Variants in ARHGAP21 observed in about 807,000 individuals in gnomAD.
The protein encoded by ARHGAP21 is Rho GTPase activating protein 21.
Under a neutral mutation model 164.6 loss-of-function variants are expected in ARHGAP21, and 38 were observed. The observed-to-expected ratio is 0.23, with a 90% CI of 0.18 to 0.30. The LOEUF (loss-of-function observed/expected upper bound fraction) is 0.30, where lower values mean the gene tolerates loss of function less well. Among genes scored for constraint, ARHGAP21 ranks in the 10% least tolerant of loss-of-function variants. The pLI, the probability that ARHGAP21 is intolerant of heterozygous loss-of-function variation, is 1.00. For synonymous variants in ARHGAP21, 766 were observed against 857.9 expected (o/e 0.89, Z 1.87); for missense variants, 1,822 against 2,370.7 (o/e 0.77, Z 4.81).
At chr10:24,590,937 A>AATT (rs1318100963) in intron 24 of ARHGAP21, 1 of 897,086 alleles carries the variant, frequency 1.1e-6, no homozygotes, top group African/African-American at 1.8e-5. Flanking sequence ...GGAAACTGTG[A>AATT]ATTAAAAAAA....
At chr10:24,640,014 C>T (rs958212745) in intron 4 of ARHGAP21, among the ~76,000 whole-genome samples, 1 of 151,572 alleles carries the variant, frequency 6.6e-6, no homozygotes, top group African/African-American at 2.4e-5. Context: ...ATGAAGATCA[C>T]AGAGAAACAG....
rs527891591 is a variant in ARHGAP21 at position 24,703,103 on chromosome 10, A to G, written c.63+18734T>C. On this transcript the variant is annotated intron_variant, in intron 2 of 25. Transcript: ENST00000396432. ...AATGGAAAAGTGTACATAATATTCC[A>G]ACTTGTAAAACCCACACACAAACTA... is the stretch of plus-strand genomic sequence containing the variant. 2.0e-5 allele frequency among the ~76,000 whole-genome samples: 3 copies of G among 152,338 alleles called. No homozygotes were observed. The East Asian group carries it at 5.8e-4, about 29-fold the overall frequency.
intron 11 of ARHGAP21, chr10:24,605,763 G>C (rs1361086345): frequency 2.6e-5 from 4 of 152,002 alleles, no homozygotes; most frequent in Non-Finnish European, 1.5e-5. Context: ...AAGAATTCAA[G>C]AACTAGAAAA....
In ARHGAP21 at chr10:24,596,792, G is replaced by A. The variant is rs2076602232; in HGVS notation, c.3425C>T (p.Thr1142Ile). ...RKTFEKKPTA[T>I]GTFGVRLDDC... is the part of the protein sequence containing the mutation. ...ATCTAGTCGGACGCCGAAAGTTCCT[G>A]TAGCAGTTGGCTTTTTCTCAAATGT... is the stretch of plus-strand genomic sequence containing the variant. The change falls in exon 17 of 26, where the codon ACA becomes ATA. Residue 1142 changes from threonine to isoleucine, a missense_variant. Physicochemically the swap from Thr to Ile is moderately conservative, Grantham distance 89 (BLOSUM62 -1). This residue lies in a region of ARHGAP21 where 1,090 missense variants were observed against 1,378.9 expected (regional missense o/e 0.79). Coordinates refer to ENST00000396432, the MANE Select transcript of ARHGAP21 (RefSeq NM_020824.4). 1 of 1,612,980 alleles carries A rather than the reference G, an allele frequency of 6.2e-7. No homozygotes were observed. The highest frequency in any genetic ancestry group is 8.5e-7 in the Non-Finnish European group (1 of 1,179,764).
At chr10:24,596,502 G>A (rs373144713) in intron 17 of ARHGAP21, 62 of 565,906 alleles carry the variant, frequency 1.1e-4, no homozygotes, top group East Asian at 8.0e-4. Context: ...ATTTGAAGAC[G>A]AATTCTTACA....
chr10:24,649,785 C>T (rs1837970268), intron 4 of ARHGAP21, among the ~76,000 whole-genome samples: 1 of 150,290 alleles, frequency 6.7e-6, no homozygotes, highest in Non-Finnish European at 1.5e-5. Flanking sequence ...ACAAGAGAAA[C>T]AGATTCAAAA....
intron 2 of ARHGAP21, among the ~76,000 whole-genome samples, chr10:24,716,202 G>A (rs140177947): frequency 6.0e-4 from 92 of 152,282 alleles, no homozygotes; most frequent in African/African-American, 1.7e-3. Context: ...CAACACCTGC[G>A]TTCTAGATAT....
intron 9 of ARHGAP21, among the ~76,000 whole-genome samples, chr10:24,612,337 A>G (rs1020115076): frequency 6.6e-6 from 1 of 152,240 alleles, no homozygotes; most frequent in Non-Finnish European, 1.5e-5. Context: ...GTAAATTTGT[A>G]TAAGTTGAAA....
At chr10:24,689,236 T>G (rs1309198495) in intron 2 of ARHGAP21, among the ~76,000 whole-genome samples, 2 of 152,206 alleles carry the variant, frequency 1.3e-5, no homozygotes, top group Non-Finnish European at 2.9e-5. Context: ...ACAAATTGTT[T>G]TAACAATCTG....
At chr10:24,665,530 T>C (rs1426842915) in intron 4 of ARHGAP21, among the ~76,000 whole-genome samples, 1 of 151,974 alleles carries the variant, frequency 6.6e-6, no homozygotes, top group African/African-American at 2.4e-5. Context: ...ATTTCATTTA[T>C]AAAAAAAATC....
intron 2 of ARHGAP21, among the ~76,000 whole-genome samples, chr10:24,674,049 T>C (rs1840976106): frequency 6.6e-6 from 1 of 152,164 alleles, no homozygotes; most frequent in Non-Finnish European, 1.5e-5. Flanking sequence ...AATGAATTTT[T>C]TTTAAAAAGA....
At chr10:24,596,613 A>G (rs2076592256) in intron 17 of ARHGAP21, 127 bp downstream of exon 17, 1 of 1,303,954 alleles carries the variant, frequency 7.7e-7, no homozygotes, top group Non-Finnish European at 1.1e-6. Flanking sequence ...TAGGGAAACT[A>G]AGGTCTGCTA....
chr10:24,707,922 A>C (rs11014207), intron 2 of ARHGAP21, among the ~76,000 whole-genome samples: 1 of 152,198 alleles, frequency 6.6e-6, no homozygotes, highest in African/African-American at 2.4e-5. Context: ...TTAAACTAAA[A>C]GCTAATCATA....
intron 4 of ARHGAP21, among the ~76,000 whole-genome samples, chr10:24,647,760 G>C (rs536740929): frequency 6.6e-6 from 1 of 152,272 alleles, no homozygotes; most frequent in East Asian, 1.9e-4. Context: ...TCTTTGCTCT[G>C]AAAGTAATAC....
intron 4 of ARHGAP21, chr10:24,640,199 C>T (rs1836851718): frequency 6.6e-6 from 1 of 151,720 alleles, no homozygotes; most frequent in African/African-American, 2.4e-5. Context: ...TGTGCCCAAT[C>T]TTGTCTGATG....
chr10:24,667,112 G>A lies in ARHGAP21; in HGVS notation c.244-103C>T, dbSNP rs145978744. ...ATTCAAATCGACCTCCCCAGATTGT[G>A]CCAATTACAATCTCACTAACAATAT... On this transcript the variant is annotated intron_variant, in intron 3 of 25. Coordinates refer to ENST00000396432, the MANE Select transcript of ARHGAP21 (RefSeq NM_020824.4). 403 of 579,580 alleles carry A rather than the reference G, an allele frequency of 7.0e-4. No individual in the cohort carries two copies. The African/African-American group carries it at 7.0e-3, about 10-fold the overall frequency. The allele number at this position is 579,580 out of a possible 1,614,324, so 35.9% of individuals were successfully genotyped here.
At chr10:24,642,885 G>A (rs938743091) in intron 4 of ARHGAP21, among the ~76,000 whole-genome samples, 7 of 152,184 alleles carry the variant, frequency 4.6e-5, no homozygotes, top group Admixed American at 3.9e-4. Flanking sequence ...ATGGCACACA[G>A]TAGATGCTCA....
chr10:24,642,799 T>C (rs1346651605), intron 4 of ARHGAP21, among the ~76,000 whole-genome samples: 1 of 152,200 alleles, frequency 6.6e-6, no homozygotes, highest in Non-Finnish European at 1.5e-5. Context: ...GCTCTACCTA[T>C]GTATTCAAGT....
At chr10:24,628,053 C>A (rs1835311610) in intron 7 of ARHGAP21, among the ~76,000 whole-genome samples, 1 of 152,208 alleles carries the variant, frequency 6.6e-6, no homozygotes, top group South Asian at 2.1e-4. Context: ...CCTTCGCTAC[C>A]ATATACACCA....
Sources: gnomAD v4.1 joint callset for allele counts (sites outside exome capture counted in the v4.1 genomes callset) on GRCh38, gnomAD v4.1.1 for gene constraint, gnomAD v4.1.1 regional missense constraint, MANE v1.5 for transcripts, NCBI Gene and HGNC (gene_info 2026-07-23, HGNC 2026-07-21) for gene names.